Variants in SETBP1 observed in about 807,000 individuals in gnomAD.
The protein encoded by SETBP1 is SET binding protein 1, also known as SET-binding protein.
In SETBP1, 9 loss-of-function variants were observed where a neutral mutation model predicts 101.0. That is an observed-to-expected ratio of 0.09 (90% CI 0.05 to 0.16). SETBP1 has a LOEUF of 0.16. Ranked by LOEUF, SETBP1 falls within the 10% of genes least tolerant of loss-of-function variation. SETBP1 has a pLI of 1.00. For missense variants in SETBP1, 1,858 were observed against 2,033.8 expected, an observed-to-expected ratio of 0.91 and a Z score of 1.66; for synonymous variants, 818 against 788.5, an observed-to-expected ratio of 1.04 and a Z score of -0.63.
chr18:44,890,752 A>AAAC (rs1249979843), intron 3 of SETBP1, among the ~76,000 whole-genome samples: 1 of 152,122 alleles, frequency 6.6e-6, no homozygotes, highest in African/African-American at 2.4e-5. Context: ...TTTTTGAATA[A>AAAC]AACCTGCAAC....
intron 2 of SETBP1, among the ~76,000 whole-genome samples, chr18:44,833,574 C>T (rs186951827): frequency 3.2e-4 from 48 of 152,304 alleles, no homozygotes; most frequent in African/African-American, 7.9e-4. Flanking sequence ...GTATTAATTA[C>T]GGCCCAGGAA....
intron 3 of SETBP1, among the ~76,000 whole-genome samples, chr18:44,894,151 T>C (rs2069836932): frequency 6.6e-6 from 1 of 152,136 alleles, no homozygotes. Context: ...GCCTCATAGA[T>C]TCCTAACTCA....
intron 2 of SETBP1, among the ~76,000 whole-genome samples, chr18:44,800,986 A>G (rs560937453): frequency 1.3e-5 from 2 of 152,322 alleles, no homozygotes; most frequent in East Asian, 1.9e-4. Flanking sequence ...TTGTAGGGAC[A>G]TGGATGAAGC....
chr18:44,897,140 A>G (rs1042177369), intron 3 of SETBP1, among the ~76,000 whole-genome samples: 1 of 152,174 alleles, frequency 6.6e-6, no homozygotes, highest in African/African-American at 2.4e-5. Flanking sequence ...TTTGCGCTCC[A>G]GAGTTGCTGA....
Position 44,746,385 on chromosome 18 carries a change from T to G in SETBP1, c.486+44553T>G, listed in dbSNP as rs61415454. Among the ~76,000 whole-genome samples the G allele has an allele frequency of 1.1e-3, 170 of 152,364 alleles. 2 individuals carry two copies. The East Asian group carries it at 0.028, about 25-fold the overall frequency. ...AAGTGATGGTGATAAATAATCATGA[T>G]GAATATTACTGTGTTTTTTAGGTGA... is the stretch of plus-strand genomic sequence containing the variant. On this transcript the variant is annotated intron_variant, in intron 2 of 5. Transcript: ENST00000649279.
At chr18:44,899,086 G>T (rs762788172) in intron 3 of SETBP1, among the ~76,000 whole-genome samples, 4 of 152,170 alleles carry the variant, frequency 2.6e-5, no homozygotes, top group Non-Finnish European at 5.9e-5. Flanking sequence ...GTGAGATAAG[G>T]TATAATGTTT....
intron 3 of SETBP1, among the ~76,000 whole-genome samples, chr18:44,879,723 G>T (rs567977500): frequency 1.1e-4 from 16 of 152,294 alleles, no homozygotes; most frequent in African/African-American, 3.9e-4. Flanking sequence ...TGGGAGAATG[G>T]CCCTAGGAGA....
chr18:44,849,769 A>G (rs888359699), intron 2 of SETBP1, among the ~76,000 whole-genome samples: 2 of 152,178 alleles, frequency 1.3e-5, no homozygotes, highest in Non-Finnish European at 2.9e-5. Flanking sequence ...TGAGCCTCAG[A>G]TCCCATACCT....
intron 2 of SETBP1, among the ~76,000 whole-genome samples, chr18:44,776,953 C>A (rs1305062157): frequency 6.6e-6 from 1 of 152,190 alleles, no homozygotes; most frequent in Non-Finnish European, 1.5e-5. Flanking sequence ...TAGGCTACCT[C>A]CCAGGAGGTG....
intron 5 of SETBP1, among the ~76,000 whole-genome samples, chr18:45,055,229 T>C (rs2073788987): frequency 6.6e-6 from 1 of 152,182 alleles, no homozygotes; most frequent in South Asian, 2.1e-4. Context: ...CTCGAGGAGT[T>C]TTTTGAAAAA....
intron 4 of SETBP1, among the ~76,000 whole-genome samples, chr18:44,997,896 T>C (rs1442661095): frequency 6.6e-6 from 1 of 152,212 alleles, no homozygotes; most frequent in Non-Finnish European, 1.5e-5. Context: ...CGTAGGAACT[T>C]CTTGTAATTG....
intron 2 of SETBP1, among the ~76,000 whole-genome samples, chr18:44,729,808 T>C (rs2144389490): frequency 6.6e-6 from 1 of 152,096 alleles, no homozygotes; most frequent in Non-Finnish European, 1.5e-5. Flanking sequence ...AAAAAAAAAG[T>C]GTTTGCAAAG....
intron 3 of SETBP1, chr18:44,870,458 G>T (rs922328781): frequency 6.6e-6 from 1 of 152,218 alleles, no homozygotes; most frequent in African/African-American, 2.4e-5. Context: ...GCACACCAGT[G>T]TGGGGTGTTG....
chr18:45,034,298 A>G (rs1750157460), intron 4 of SETBP1, among the ~76,000 whole-genome samples: 1 of 152,218 alleles, frequency 6.6e-6, no homozygotes, highest in African/African-American at 2.4e-5. Flanking sequence ...CGCTAGATGC[A>G]GCGCCTGCCA....
chr18:45,060,144 A>T lies in SETBP1; in HGVS notation c.4172-2935A>T, dbSNP rs191653889. ...GTATAATATTGCATTATTTTATGTA[A>T]CACAGTTGATTAATTAGATTGTTCT... On this transcript the variant is annotated intron_variant, in intron 5 of 5. Transcript: ENST00000649279. Among the ~76,000 whole-genome samples, 291 of 152,310 alleles carry T rather than the reference A, an allele frequency of 1.9e-3. 2 individuals carry two copies. The highest frequency in any genetic ancestry group is 6.6e-3 in the African/African-American group (276 of 41,562).
intron 4 of SETBP1, among the ~76,000 whole-genome samples, chr18:44,976,114 A>ACACACG (rs1255196053): frequency 6.7e-6 from 1 of 149,216 alleles, no homozygotes; most frequent in Non-Finnish European, 1.5e-5. Flanking sequence ...ACACACACAC[A>ACACACG]CAGACTCATA....
chr18:44,689,514 C>A (rs2068894048), intron 1 of SETBP1, among the ~76,000 whole-genome samples: 1 of 152,164 alleles, frequency 6.6e-6, no homozygotes, highest in African/African-American at 2.4e-5. Flanking sequence ...TTGATTGTGA[C>A]CAGACTCTGA....
At chr18:45,061,400 T>A (rs566772298) in intron 5 of SETBP1, among the ~76,000 whole-genome samples, 1 of 152,202 alleles carries the variant, frequency 6.6e-6, no homozygotes, top group African/African-American at 2.4e-5. Context: ...CCAGGCAACC[T>A]TTTTCTTTTA....
chr18:44,689,641 G>A (rs2144123639), intron 1 of SETBP1, among the ~76,000 whole-genome samples: 1 of 152,308 alleles, frequency 6.6e-6, no homozygotes, highest in Non-Finnish European at 1.5e-5. Flanking sequence ...TGTAGTGGGA[G>A]CCCGAGGGGT....
Sources: allele counts gnomAD v4.1 joint callset (sites outside exome capture counted in the v4.1 genomes callset), GRCh38; gene constraint gnomAD v4.1.1; transcripts MANE v1.5; gene names NCBI Gene and HGNC (gene_info 2026-07-23, HGNC 2026-07-21).